Variants in ZBTB20 observed in about 807,000 individuals in gnomAD.
ZBTB20 encodes zinc finger and BTB domain containing 20, also known as zinc finger and BTB domain-containing protein 20.
In ZBTB20, 9 loss-of-function variants were observed where a neutral mutation model predicts 56.9. The observed-to-expected ratio is 0.16, with a 90% CI of 0.10 to 0.28. The LOEUF is 0.28. Ranked by LOEUF, ZBTB20 falls within the 10% of genes least tolerant of loss-of-function variation. The pLI is 1.00. For synonymous variants in ZBTB20, 417 were observed against 420.7 expected, an observed-to-expected ratio of 0.99 and a Z score of 0.11; for missense variants, 655 against 1,003.0, an observed-to-expected ratio of 0.65 and a Z score of 4.69.
chr3:115,067,352 T>C (rs1303500365), intron 2 of ZBTB20, among the ~76,000 whole-genome samples: 1 of 152,090 alleles, frequency 6.6e-6, no homozygotes, highest in African/African-American at 2.4e-5. Flanking sequence ...TGATATTTAT[T>C]ATTATAGTTG....
intron 7 of ZBTB20, among the ~76,000 whole-genome samples, chr3:114,471,410 A>C (rs2109259845): frequency 6.6e-6 from 1 of 152,358 alleles, no homozygotes; most frequent in South Asian, 2.1e-4. Flanking sequence ...ATATGGGAAC[A>C]AAATCTAAAG....
intron 3 of ZBTB20, among the ~76,000 whole-genome samples, chr3:114,914,414 T>C (rs1339894847): frequency 6.6e-6 from 1 of 152,106 alleles, no homozygotes; most frequent in East Asian, 1.9e-4. Context: ...GACTTTTGTA[T>C]GTTGACTTTG....
rs900190562 is a variant in ZBTB20, at chr3:114,994,235, T to C, written c.-506-19819A>G. ...TAAGCAGTTTCCTAGAAACATGAAATGTAAGAAAAATATGTAATTAGAAAT... is the reference window on the plus strand; with the variant it reads ...TAAGCAGTTTCCTAGAAACATGAAACGTAAGAAAAATATGTAATTAGAAAT... On this transcript the variant is annotated intron_variant, in intron 2 of 11. Coordinates refer to ENST00000675478, the MANE Select transcript of ZBTB20 (RefSeq NM_001348800.3). 2.0e-5 allele frequency among the ~76,000 whole-genome samples: 3 copies of C among 151,764 alleles called. No homozygotes were observed. The Admixed American group carries it at 2.0e-4, about 10-fold the overall frequency.
At position 114,338,177 on chromosome 3, in the gene ZBTB20, T is replaced by C. The variant is rs1439804698; in HGVS notation, c.*828A>G. On this transcript the variant is annotated 3_prime_UTR_variant, in exon 12 of 12. Coordinates refer to ENST00000675478, the MANE Select transcript of ZBTB20 (RefSeq NM_001348800.3). Reference sequence around the variant, plus strand: ...GGTGCAAATTTCTGATATCTTTGTTTTATCTGCATTCCTGCCTTTCATGAA... The same window carrying C: ...GGTGCAAATTTCTGATATCTTTGTTCTATCTGCATTCCTGCCTTTCATGAA... 1 of 152,182 alleles carries C rather than the reference T, an allele frequency of 6.6e-6. No homozygotes were observed. Among genetic ancestry groups the C allele is most frequent in the Non-Finnish European group, 1.5e-5 (1 of 68,036 alleles). The allele number at this position is 152,182 out of a possible 1,614,324, so 9.4% of individuals were successfully genotyped here. A position where few individuals can be genotyped will look rare whatever the true frequency, so the allele number is the denominator to read the frequency against.
At chr3:114,365,076 C>A (rs1356630777) in intron 10 of ZBTB20, among the ~76,000 whole-genome samples, 1 of 152,162 alleles carries the variant, frequency 6.6e-6, no homozygotes, top group African/African-American at 2.4e-5. Context: ...ATCATTAGCT[C>A]ATTTTAAGTG....
Position 114,842,587 on chromosome 3 carries a change from G to C in ZBTB20, c.-416-41413C>G, listed in dbSNP as rs185657854. Among the ~76,000 whole-genome samples, 12 of 152,220 alleles carry C rather than the reference G, an allele frequency of 7.9e-5. 1 individual carries two copies. Among genetic ancestry groups the C allele is most frequent in the African/African-American group, 2.9e-4 (12 of 41,540 alleles). On this transcript the variant is annotated intron_variant, in intron 4 of 11. Transcript: ENST00000675478. Reference sequence around the variant, plus strand: ...TTAAGAAAGAGGAGTGTAGAACCAGGAGACACCAAGGGCATACCTAACCTA... The same window carrying C: ...TTAAGAAAGAGGAGTGTAGAACCAGCAGACACCAAGGGCATACCTAACCTA...
chr3:115,050,502 T>C (rs1181274386), intron 2 of ZBTB20, among the ~76,000 whole-genome samples: 1 of 151,972 alleles, frequency 6.6e-6, no homozygotes, highest in Non-Finnish European at 1.5e-5. Flanking sequence ...ACTAGAATTA[T>C]ATTATCAAAC....
At chr3:114,778,183 C>A (rs1308403083) in intron 5 of ZBTB20, among the ~76,000 whole-genome samples, 2 of 149,412 alleles carry the variant, frequency 1.3e-5, no homozygotes, top group African/African-American at 4.9e-5. Flanking sequence ...CAACATGGCA[C>A]ATGTGTACAT....
intron 6 of ZBTB20, among the ~76,000 whole-genome samples, chr3:114,548,517 C>CTTTTTTTTTTTT (rs71146327): frequency 6.9e-6 from 1 of 144,992 alleles, no homozygotes; most frequent in Non-Finnish European, 1.5e-5. Flanking sequence ...TTTTTATTTT[C>CTTTTTTTTTTTT]TTTTTTTTTT....
intron 3 of ZBTB20, among the ~76,000 whole-genome samples, chr3:114,965,838 A>G (rs528865731): frequency 2.0e-5 from 3 of 151,892 alleles, no homozygotes; most frequent in East Asian, 3.9e-4. Context: ...TCCTTTGCCT[A>G]TTTTTCAGTT....
At chr3:114,786,880 T>C (rs950959097) in intron 5 of ZBTB20, among the ~76,000 whole-genome samples, 1 of 152,084 alleles carries the variant, frequency 6.6e-6, no homozygotes, top group East Asian at 1.9e-4. Context: ...TGTCTTTCAG[T>C]GAATTAATGG....
intron 4 of ZBTB20, among the ~76,000 whole-genome samples, chr3:114,819,172 A>C (rs1347493893): frequency 6.6e-6 from 1 of 151,954 alleles, no homozygotes; most frequent in East Asian, 1.9e-4. Context: ...ATACCTAAAT[A>C]TATGAAGGAA....
At chr3:114,801,239 A>G (rs1178001647) in intron 4 of ZBTB20, 65 bp from the exon 5 acceptor site, 1 of 151,684 alleles carries the variant, frequency 6.6e-6, no homozygotes, top group Admixed American at 6.6e-5. Flanking sequence ...ATTAAAAATT[A>G]AACTTTCATA....
In ZBTB20 at chr3:114,317,832, G is replaced by A. The variant is rs1346303397; in HGVS notation, c.*21173C>T. ...GTGTGTGCTCGCATACATGAAACGC[G>A]AGTCCAAGGGGCCATTGGGGCAGTA... On this transcript the variant is annotated 3_prime_UTR_variant, in exon 12 of 12. Coordinates refer to ENST00000675478, the MANE Select transcript of ZBTB20 (RefSeq NM_001348800.3). The A allele has an allele frequency of 2.0e-5, 3 of 152,152 alleles. No individual in the cohort carries two copies. Among genetic ancestry groups the A allele is most frequent in the Admixed American group, 2.0e-4 (3 of 15,278 alleles). The allele number at this position is 152,152 out of a possible 1,614,324, so 9.4% of individuals were successfully genotyped here. A position where few individuals can be genotyped will look rare whatever the true frequency, so the allele number is the denominator to read the frequency against.
chr3:114,956,265 T>C (rs1338315217), intron 3 of ZBTB20, among the ~76,000 whole-genome samples: 1 of 152,166 alleles, frequency 6.6e-6, no homozygotes, highest in Admixed American at 6.5e-5. Flanking sequence ...AGTTAAAACC[T>C]GGCCTTTTCA....
chr3:114,886,087 T>C lies in ZBTB20; in HGVS notation c.-417+14217A>G, dbSNP rs530775219. ...TTCACCTTCTGCTCCCTCTACCCAC[T>C]CACCCTAATAGTGGTCTGCTCCTTA... On this transcript the variant is annotated intron_variant, in intron 4 of 11. Coordinates refer to ENST00000675478, the MANE Select transcript of ZBTB20 (RefSeq NM_001348800.3). 2.7e-4 allele frequency among the ~76,000 whole-genome samples: 41 copies of C among 152,302 alleles called. 1 individual carries two copies. Among genetic ancestry groups the C allele is most frequent in the African/African-American group, 9.6e-4 (40 of 41,582 alleles).
At chr3:115,047,998 AAC>A (rs1379349944) in intron 2 of ZBTB20, among the ~76,000 whole-genome samples, 1 of 152,098 alleles carries the variant, frequency 6.6e-6, no homozygotes, top group African/African-American at 2.4e-5. Flanking sequence ...AGGCAGGCAG[AAC>A]ACGAGGTCAG....
At chr3:114,348,691 T>C (rs1040552889) in intron 11 of ZBTB20, among the ~76,000 whole-genome samples, 1 of 152,238 alleles carries the variant, frequency 6.6e-6, no homozygotes, top group African/African-American at 2.4e-5. Flanking sequence ...AACGTTCTGT[T>C]TCAGTTGTAC....
intron 5 of ZBTB20, among the ~76,000 whole-genome samples, chr3:114,793,470 T>C (rs2071118470): frequency 6.6e-6 from 1 of 152,086 alleles, no homozygotes; most frequent in Admixed American, 6.6e-5. Context: ...GATGCAGAAA[T>C]GAAAGTCTAA....
Sources: gnomAD v4.1 joint callset for allele counts (sites outside exome capture counted in the v4.1 genomes callset) on GRCh38, gnomAD v4.1.1 for gene constraint, MANE v1.5 for transcripts, NCBI Gene and HGNC (gene_info 2026-07-23, HGNC 2026-07-21) for gene names.